ZFAND3: variants seen among roughly 807,000 people sequenced by gnomAD.
ZFAND3 encodes the protein AN1-type zinc finger protein 3.
ZFAND3 carries 10 observed loss-of-function variants against 29.6 expected under a neutral mutation model. The observed-to-expected ratio is 0.34, with a 90% confidence interval of 0.21 to 0.57. The LOEUF (loss-of-function observed/expected upper bound fraction) is 0.57. Ranked by LOEUF, ZFAND3 falls within the 20% of genes least tolerant of loss-of-function variation. ZFAND3 has a pLI of 0.86. For synonymous variants in ZFAND3, 128 were observed against 112.6 expected (o/e 1.14, Z -0.87); for missense variants, 230 against 304.5 (o/e 0.76, Z 1.82).
intron 1 of ZFAND3, among the ~76,000 whole-genome samples, chr6:37,890,098 A>G (rs1765065368): frequency 6.6e-6 from 1 of 152,218 alleles, no homozygotes. Flanking sequence ...GTAGCTGCTA[A>G]TAATAGCATG....
At chr6:38,122,369 G>A (rs562865316) in intron 5 of ZFAND3, among the ~76,000 whole-genome samples, 1 of 152,212 alleles carries the variant, frequency 6.6e-6, no homozygotes. Flanking sequence ...GAAAAAACCT[G>A]TGTCAGTGCA....
chr6:37,865,878 A>G (rs186335603), intron 1 of ZFAND3, among the ~76,000 whole-genome samples: 117 of 152,314 alleles, frequency 7.7e-4, no homozygotes, highest in African/African-American at 2.6e-3. Context: ...TTTTCCAACT[A>G]TGAAACTAGG....
At chr6:38,145,511 G>A (rs1412655324) in intron 5 of ZFAND3, among the ~76,000 whole-genome samples, 1 of 152,228 alleles carries the variant, frequency 6.6e-6, no homozygotes, top group Non-Finnish European at 1.5e-5. Context: ...TCCTCCCTGT[G>A]TAGACAGAGG....
chr6:37,985,428 GACCAGCCTGGGCAACATGGTGAAACC>G (rs1762649448), intron 2 of ZFAND3, among the ~76,000 whole-genome samples: 1 of 152,080 alleles, frequency 6.6e-6, no homozygotes, highest in African/African-American at 2.4e-5. Flanking sequence ...AGGGATTCGA[GACCAGCCTGGGCAACATGGTGAAACC>G]CTGTCTACAC....
intron 2 of ZFAND3, among the ~76,000 whole-genome samples, chr6:37,960,364 A>G (rs1171512145): frequency 2.0e-5 from 3 of 152,224 alleles, no homozygotes; most frequent in Admixed American, 2.0e-4. Flanking sequence ...TTGAATGCCA[A>G]ATGTTTAGTG....
chr6:37,856,631 G>A (rs1357608816), intron 1 of ZFAND3, among the ~76,000 whole-genome samples: 2 of 151,976 alleles, frequency 1.3e-5, no homozygotes, highest in African/African-American at 2.4e-5. Context: ...AACTCCTCAA[G>A]GCACAATTTG....
At chr6:38,102,779 CAG>C (rs2127478568) in intron 4 of ZFAND3, among the ~76,000 whole-genome samples, 1 of 152,222 alleles carries the variant, frequency 6.6e-6, no homozygotes, top group South Asian at 2.1e-4. Flanking sequence ...TTTTTTGAGG[CAG>C]AGTCTTGCTC....
chr6:38,031,835 C>T (rs756511593), intron 2 of ZFAND3, among the ~76,000 whole-genome samples: 1 of 149,934 alleles, frequency 6.7e-6, no homozygotes, highest in African/African-American at 2.5e-5. Flanking sequence ...TCTGCCCCTC[C>T]CCCCCCGCCC....
intron 1 of ZFAND3, among the ~76,000 whole-genome samples, chr6:37,898,843 T>C (rs1470144511): frequency 6.6e-6 from 1 of 152,232 alleles, no homozygotes; most frequent in Non-Finnish European, 1.5e-5. Flanking sequence ...CAGATTTCTT[T>C]CCATGATACC....
intron 2 of ZFAND3, among the ~76,000 whole-genome samples, chr6:38,060,779 A>AT (rs138886885): frequency 0.085 from 12,911 of 151,420 alleles, 730 homozygotes; most frequent in East Asian, 0.28. Context: ...TGCCAGGTAC[A>AT]TTTTTTTTTA....
At chr6:38,077,594 A>AT (rs1034363210) in intron 3 of ZFAND3, among the ~76,000 whole-genome samples, 5 of 152,054 alleles carry the variant, frequency 3.3e-5, no homozygotes, top group Non-Finnish European at 5.9e-5. Flanking sequence ...GTGGTAGTCT[A>AT]TTTTTTTCTA....
intron 2 of ZFAND3, among the ~76,000 whole-genome samples, chr6:38,000,534 C>T (rs1040785212): frequency 2.0e-5 from 3 of 152,010 alleles, no homozygotes; most frequent in Non-Finnish European, 4.4e-5. Context: ...CAAGAGAGCT[C>T]GTGTAAGGGA....
chr6:38,051,638 C>G (rs1157089606), intron 2 of ZFAND3, among the ~76,000 whole-genome samples: 1 of 152,148 alleles, frequency 6.6e-6, no homozygotes, highest in African/African-American at 2.4e-5. Context: ...CAGCTTTACC[C>G]AGTTTTTCCA....
intron 2 of ZFAND3, among the ~76,000 whole-genome samples, chr6:38,041,994 C>T (rs1209754972): frequency 6.7e-6 from 1 of 149,492 alleles, no homozygotes; most frequent in Admixed American, 6.7e-5. Context: ...GCACACCACA[C>T]ACGGCTTTTT....
At chr6:38,009,072 A>C (rs547214346) in intron 2 of ZFAND3, among the ~76,000 whole-genome samples, 30 of 152,284 alleles carry the variant, frequency 2.0e-4, no homozygotes, top group Admixed American at 8.5e-4. Context: ...AGCACCTCAA[A>C]AGTCACTCAG....
chr6:37,831,927 C>T lies in ZFAND3; in HGVS notation c.71+11911C>T, dbSNP rs561228600. 3.3e-5 allele frequency among the ~76,000 whole-genome samples: 5 copies of T among 152,202 alleles called. 1 individual carries two copies. Among genetic ancestry groups the T allele is most frequent in the African/African-American group, 9.6e-5 (4 of 41,526 alleles). ...CTGGGAAGCATTTAAAGATTTTAAGCATGGATAACAGATGATATTTATAAT... is the reference window on the plus strand; with the variant it reads ...CTGGGAAGCATTTAAAGATTTTAAGTATGGATAACAGATGATATTTATAAT... On this transcript the variant is annotated intron_variant, in intron 1 of 5. Coordinates refer to ENST00000287218, the MANE Select transcript of ZFAND3 (RefSeq NM_021943.3).
chr6:37,854,964 G>GTTT lies in ZFAND3; in HGVS notation c.71+34968_71+34970dup, dbSNP rs34283914. On this transcript the variant is annotated intron_variant, in intron 1 of 5. Transcript: ENST00000287218. The stretch of plus-strand genomic sequence containing the variant: ...AGGTTACAGGAGAAAAATAATAGGT[G>GTTT]TTTTTTTTTTTTTTTTTTTTTTGGT... 7.7e-3 allele frequency among the ~76,000 whole-genome samples: 609 copies of GTTT among 78,584 alleles called. 7 individuals carry two copies. Among genetic ancestry groups the GTTT allele is most frequent in the Non-Finnish European group, 0.011 (444 of 40,086 alleles). 51.6% of individuals were successfully genotyped at this position (78,584 alleles called of 152,430 possible).
chr6:37,848,840 TATA>T (rs1432055901), intron 1 of ZFAND3, among the ~76,000 whole-genome samples: 15 of 152,234 alleles, frequency 9.9e-5, no homozygotes, highest in African/African-American at 3.4e-4. Flanking sequence ...AGTCTGGTAT[TATA>T]ATGATGCTGA....
At chr6:38,075,189 A>G (rs1044467316) in intron 3 of ZFAND3, among the ~76,000 whole-genome samples, 4 of 152,240 alleles carry the variant, frequency 2.6e-5, no homozygotes, top group Non-Finnish European at 5.9e-5. Flanking sequence ...TTACAAGGCT[A>G]TAGCTGCCAT....
Sources: gnomAD v4.1 joint callset for allele counts (sites outside exome capture counted in the v4.1 genomes callset) on GRCh38, gnomAD v4.1.1 for gene constraint, MANE v1.5 for transcripts, NCBI Gene and HGNC (gene_info 2026-07-23, HGNC 2026-07-21) for gene names.